POLR1D: variants seen among roughly 807,000 people sequenced by gnomAD.
POLR1D encodes DNA-directed RNA polymerases I and III subunit RPAC2.
In POLR1D, 8 loss-of-function variants were observed where a neutral mutation model predicts 10.8. The ratio of observed to expected loss-of-function variants is 0.74; its 90% CI spans 0.43 to 1.33. The LOEUF (loss-of-function observed/expected upper bound fraction) is 1.33. POLR1D is among the 40% of genes most tolerant of loss of function. The probability of loss-of-function intolerance (pLI) is 0.01; values close to 1 mark genes in which losing one functional copy is unlikely to be tolerated. For missense variants in POLR1D, 152 were observed against 161.7 expected (o/e 0.94, Z 0.32); for synonymous variants, 54 against 57.2 (o/e 0.94, Z 0.25).
chr13:27,629,862 A>T (rs991155969), intron 1 of POLR1D, among the ~76,000 whole-genome samples: 1 of 152,198 alleles, frequency 6.6e-6, no homozygotes, highest in Non-Finnish European at 1.5e-5. Context: ...CCAGGGCTCA[A>T]TCTAGGTCAG....
chr13:27,646,489 A>G (rs1956221786), intron 1 of POLR1D, among the ~76,000 whole-genome samples: 1 of 152,178 alleles, frequency 6.6e-6, no homozygotes, highest in Non-Finnish European at 1.5e-5. Flanking sequence ...ATTCCATAAG[A>G]GGTTGGGCTG....
At chr13:27,623,538 C>A, downstream of POLR1D, 1 of 369,922 alleles carries the variant, frequency 2.7e-6, no homozygotes, top group Non-Finnish European at 4.9e-6. Context: ...AATGAGGAAA[C>A]TGAGAATATC....
At chr13:27,624,718 C>T (rs562031479), downstream of POLR1D, among the ~76,000 whole-genome samples, 224 of 152,008 alleles carry the variant, frequency 1.5e-3, 3 homozygotes, top group Non-Finnish European at 7.1e-4. Flanking sequence ...GAGTCCCTGT[C>T]TCTACAAAAA....
At chr13:27,632,061 T>G (rs1168997204) in intron 1 of POLR1D, among the ~76,000 whole-genome samples, 1 of 152,212 alleles carries the variant, frequency 6.6e-6, no homozygotes, top group Non-Finnish European at 1.5e-5. Context: ...CTTTATATTC[T>G]GTTTCATTTT....
intron 2 of POLR1D, among the ~76,000 whole-genome samples, chr13:27,658,594 C>CAG (rs1181157646): frequency 6.6e-6 from 1 of 152,042 alleles, no homozygotes; most frequent in Non-Finnish European, 1.5e-5. Context: ...GAGCAGTTGC[C>CAG]AGAGAGAGAT....
intron 2 of POLR1D, among the ~76,000 whole-genome samples, chr13:27,658,662 C>A (rs1451956710): frequency 6.6e-6 from 1 of 152,024 alleles, no homozygotes; most frequent in Non-Finnish European, 1.5e-5. Flanking sequence ...AAGAAAGAGA[C>A]CATTTGGTGC....
downstream of POLR1D, among the ~76,000 whole-genome samples, chr13:27,625,705 A>C (rs1409029779): frequency 6.6e-6 from 1 of 152,084 alleles, no homozygotes; most frequent in Non-Finnish European, 1.5e-5. Context: ...CCCAGAACAA[A>C]GCCCTAGGCA....
chr13:27,657,093 G>C (rs994602057), intron 2 of POLR1D, among the ~76,000 whole-genome samples: 1 of 152,194 alleles, frequency 6.6e-6, no homozygotes, highest in Non-Finnish European at 1.5e-5. Context: ...GCACTAAGGG[G>C]AGCATGAGAA....
Position 27,623,194 on chromosome 13 carries a change from G to T in POLR1D, c.346G>T (p.Ala116Ser), listed in dbSNP as rs1005108489. The change falls in exon 2 of 2, where the codon GCC (alanine) becomes TCC (serine). Residue 116 changes from alanine to serine, a missense_variant. Physicochemically the swap from Ala to Ser is moderately conservative, Grantham distance 99. Coordinates refer to ENST00000302979, the MANE Select transcript of POLR1D (RefSeq NM_015972.4). ...VCQHVLDKFE[A>S]SIKDYKDQKA... is the part of the protein sequence containing the mutation. ...CCAACATGTGCTTGACAAGTTTGAG[G>T]CCAGCATAAAGGACTATAAGGATCA... The T allele has an allele frequency of 1.2e-6, 2 of 1,613,932 alleles. No homozygotes were observed. The highest frequency in any genetic ancestry group is 1.7e-6 in the Non-Finnish European group (2 of 1,179,998).
downstream of POLR1D, among the ~76,000 whole-genome samples, chr13:27,626,235 CAGG>C: frequency 6.6e-6 from 1 of 152,148 alleles, no homozygotes; most frequent in Non-Finnish European, 1.5e-5. Flanking sequence ...CAAGGCCTGT[CAGG>C]AGATGAAAAC....
intron 2 of POLR1D, among the ~76,000 whole-genome samples, chr13:27,658,691 T>C (rs1034721649): frequency 2.5e-4 from 38 of 152,228 alleles, no homozygotes; most frequent in African/African-American, 8.9e-4. Context: ...TCCTTGGATG[T>C]ATTTCAGCAA....
intron 2 of POLR1D, among the ~76,000 whole-genome samples, chr13:27,661,306 T>C (rs1182364158): frequency 2.0e-5 from 3 of 152,276 alleles, no homozygotes; most frequent in African/African-American, 7.2e-5. Context: ...ACCAGTCTCA[T>C]GATATTTAGG....
At chr13:27,652,866 C>CAAAAA (rs34688215) in intron 2 of POLR1D, among the ~76,000 whole-genome samples, 3 of 117,194 alleles carry the variant, frequency 2.6e-5, no homozygotes, top group African/African-American at 1.1e-4. Flanking sequence ...GACTCCATCT[C>CAAAAA]AAAAAAAAAA....
exon 3 of POLR1D, chr13:27,666,068 C>T (rs1956415388): frequency 5.3e-6 from 5 of 950,876 alleles, no homozygotes; most frequent in Non-Finnish European, 7.9e-6. Flanking sequence ...GACATTAGGT[C>T]CTTTGTTGTT....
intron 1 of POLR1D, among the ~76,000 whole-genome samples, chr13:27,635,906 T>A (rs1295096294): frequency 6.6e-6 from 1 of 152,056 alleles, no homozygotes; most frequent in Non-Finnish European, 1.5e-5. Context: ...TGCTTTCTTA[T>A]TCTCTTAAGG....
intron 2 of POLR1D, among the ~76,000 whole-genome samples, chr13:27,655,133 G>A (rs1956297331): frequency 6.6e-6 from 1 of 152,074 alleles, no homozygotes; most frequent in Admixed American, 6.6e-5. Context: ...TAGTGGTTTA[G>A]CACAAGATAA....
chr13:27,655,171 C>CAATA (rs1013003427), intron 2 of POLR1D, among the ~76,000 whole-genome samples: 5 of 152,236 alleles, frequency 3.3e-5, no homozygotes, highest in Middle Eastern at 3.4e-3. Context: ...CTTATACAGT[C>CAATA]AATAGCCCAC....
chr13:27,646,025 CAA>C (rs796276068), intron 1 of POLR1D, among the ~76,000 whole-genome samples: 75 of 152,270 alleles, frequency 4.9e-4, no homozygotes, highest in African/African-American at 1.8e-3. Context: ...GATTCTGACT[CAA>C]ATAAGTTTCT....
At chr13:27,648,573 C>G (rs74517509) in intron 2 of POLR1D, 7 of 662,276 alleles carry the variant, frequency 1.1e-5, no homozygotes, top group African/African-American at 1.8e-5. Flanking sequence ...GGAAATCTCT[C>G]AGAGACAAGT....
Sources: gnomAD v4.1 joint callset for allele counts (sites outside exome capture counted in the v4.1 genomes callset) on GRCh38, gnomAD v4.1.1 for gene constraint, MANE v1.5 for transcripts, NCBI Gene and HGNC (gene_info 2026-07-23, HGNC 2026-07-21) for gene names.